Variants in EP400 observed in about 807,000 individuals in gnomAD.
EP400 encodes the protein E1A binding protein p400.
In EP400, 105 loss-of-function variants were observed where a neutral mutation model predicts 354.1. The ratio of observed to expected loss-of-function variants is 0.30; its 90% confidence interval spans 0.25 to 0.35. The LOEUF is 0.35. Ranked by LOEUF, EP400 falls within the 10% of genes least tolerant of loss-of-function variation. The pLI, the probability that EP400 is intolerant of heterozygous loss-of-function variation, is 1.00. For synonymous variants in EP400, 1,646 were observed against 1,716.9 expected (o/e 0.96, Z 1.02); for missense variants, 3,280 against 4,121.0 (o/e 0.80, Z 5.59).
intron 2 of EP400, among the ~76,000 whole-genome samples, chr12:131,977,889 G>T (rs1324651257): frequency 6.6e-6 from 1 of 152,208 alleles, no homozygotes; most frequent in Non-Finnish European, 1.5e-5. Context: ...TTGTGTGGCA[G>T]TTGGTTCAAA....
rs570169262 is a variant in EP400, at chr12:132,053,508, C to G, written c.7639C>G (p.Gln2547Glu). Residue 2547 changes from glutamine to glutamate, a missense_variant, in exon 43 of 53, where the codon CAG (glutamine) becomes GAG (glutamate). Physicochemically the swap from Gln to Glu is conservative, Grantham distance 29 (BLOSUM62 2). Transcript: ENST00000389561. ...AGPPAVQPQP[Q>E]PQPQTQPQPV... ...GCCACCAGCTGTCCAGCCCCAACCC[C>G]AGCCACAGCCCCAGACCCAGCCACA... 91 of 1,540,512 alleles carry G rather than the reference C, an allele frequency of 5.9e-5. No individual in the cohort carries two copies. Among genetic ancestry groups the G allele is most frequent in the Non-Finnish European group, 7.7e-5 (88 of 1,149,434 alleles).
In EP400 at chr12:132,017,108, C is replaced by A. The variant is rs1893967179; in HGVS notation, c.3924-427C>A. Reference sequence around the variant, plus strand: ...GGTGGTAAGCCGCACAGGGCATGGACCTGGGTCCTCGTCTACCCCCGCTCA... The same window carrying A: ...GGTGGTAAGCCGCACAGGGCATGGAACTGGGTCCTCGTCTACCCCCGCTCA... On this transcript the variant is annotated intron_variant, in intron 19 of 52. Transcript: ENST00000389561. This position sits in a 1 kb window ranked among gnomAD's most constrained non-coding sequence, Gnocchi z 5.0. 6.6e-6 allele frequency among the ~76,000 whole-genome samples: 1 copy of A among 152,216 alleles called. No individual in the cohort carries two copies. Among genetic ancestry groups the A allele is most frequent in the East Asian group, 1.9e-4 (1 of 5,184 alleles).
At chr12:132,005,228 G>A (rs747406101) in intron 13 of EP400, 44 bp downstream of exon 13, 1 of 1,399,568 alleles carries the variant, frequency 7.1e-7, no homozygotes, top group South Asian at 1.4e-5. Context: ...AAAAGCAGAA[G>A]CCGGAGTACT....
In EP400 at chr12:131,973,413, G is replaced by A. The variant is rs550585349; in HGVS notation, c.1336-6281G>A. Reference sequence around the variant, plus strand: ...AGTTTAAACTTTGGGAGGCTACGGTGGGCAGATCACTTGAGGCCAGGAGTT... The same window carrying A: ...AGTTTAAACTTTGGGAGGCTACGGTAGGCAGATCACTTGAGGCCAGGAGTT... On this transcript the variant is annotated intron_variant, in intron 2 of 52. Coordinates refer to ENST00000389561, the MANE Select transcript of EP400 (RefSeq NM_015409.5). Among the ~76,000 whole-genome samples the A allele has an allele frequency of 6.6e-4, 100 of 152,260 alleles. 1 individual carries two copies. Among genetic ancestry groups the A allele is most frequent in the African/African-American group, 2.2e-3 (92 of 41,544 alleles).
At chr12:131,966,989 G>A (rs955209611) in intron 2 of EP400, among the ~76,000 whole-genome samples, 2 of 151,650 alleles carry the variant, frequency 1.3e-5, no homozygotes, top group African/African-American at 2.4e-5. Flanking sequence ...TGGAAGGATT[G>A]CTTGAGTCCT....
chr12:131,996,089 C>T (rs1893204555), intron 12 of EP400, among the ~76,000 whole-genome samples: 1 of 152,200 alleles, frequency 6.6e-6, no homozygotes, highest in Admixed American at 6.5e-5. Context: ...CTATCAGTGT[C>T]TTTGCCAGGC....
intron 6 of EP400, among the ~76,000 whole-genome samples, chr12:131,987,068 G>A (rs61944563): frequency 2.0e-5 from 3 of 152,160 alleles, no homozygotes; most frequent in Middle Eastern, 3.4e-3. Flanking sequence ...GAGAGGTCAC[G>A]TGTAGCAGTT....
intron 45 of EP400, among the ~76,000 whole-genome samples, chr12:132,055,685 G>C (rs574324463): frequency 6.8e-6 from 1 of 146,978 alleles, no homozygotes; most frequent in Admixed American, 6.7e-5. Context: ...GTGTAGGGGG[G>C]CGTGTGTGAA....
In EP400 at chr12:131,986,709, G is replaced by T. The variant is rs779009855; in HGVS notation, c.2125G>T (p.Val709Leu). ...LSPVTSRTPG[V>L]VASAPTKPQS... is the part of the protein sequence containing the mutation. ...TCCAGTCACTTCCCGGACCCCAGGG[G>T]TGGTGGCATCTGCCCCCACCAAACC... is the stretch of plus-strand genomic sequence containing the variant. Residue 709 changes from valine to leucine, a missense_variant, in exon 6 of 53, where the codon GTG becomes TTG. By Grantham distance (32) the Val-to-Leu change is conservative. Transcript: ENST00000389561. 7.4e-5 allele frequency: 120 copies of T among 1,614,164 alleles called. 1 individual carries two copies. In the South Asian group the frequency reaches 1.3e-3, roughly 17 times the overall value.
intron 5 of EP400, among the ~76,000 whole-genome samples, chr12:131,983,751 C>T (rs1055269323): frequency 3.3e-5 from 5 of 152,222 alleles, no homozygotes; most frequent in Admixed American, 3.3e-4. Flanking sequence ...ACGATCTCTG[C>T]TCACTGCAGC....
chr12:132,045,272 G>A (rs768904603), intron 37 of EP400, 47 bp from the exon 38 acceptor site: 11 of 1,603,160 alleles, frequency 6.9e-6, no homozygotes, highest in Non-Finnish European at 9.4e-6. Context: ...CTGCCCGTGT[G>A]GAATCTCCTG....
intron 34 of EP400, among the ~76,000 whole-genome samples, chr12:132,043,953 C>G (rs1177113207): frequency 6.6e-6 from 1 of 152,124 alleles, no homozygotes; most frequent in African/African-American, 2.4e-5. Context: ...TCGTAGGGAC[C>G]GTGGAGCTTG....
At position 132,067,048 on chromosome 12, in the gene EP400, G is replaced by A. The variant is rs1895915350; in HGVS notation, c.8749+79G>A. 2.8e-6 allele frequency: 4 copies of A among 1,437,094 alleles called. No individual in the cohort carries two copies. The highest frequency in any genetic ancestry group is 2.7e-6 in the Non-Finnish European group (3 of 1,093,440). 89.0% of individuals were successfully genotyped at this position (1,437,094 alleles called of 1,614,324 possible). On this transcript the variant is annotated intron_variant, in intron 49 of 52. Transcript: ENST00000389561. The surrounding 1 kb of genome is among the most constrained non-coding windows in gnomAD (Gnocchi z 5.3). ...CTCTCTGGTGGCAGTGGTCGCCAGC[G>A]ACCCGTGTTCTTTCCTCACACCCAC...
chr12:131,961,568 C>T lies in EP400; in HGVS notation c.949C>T (p.Pro317Ser). Residue 317 changes from proline (P) to serine (S), a missense_variant, in exon 2 of 53, where the codon CCC (proline) becomes TCC (serine). Pro to Ser is a moderately conservative substitution (Grantham distance 74, BLOSUM62 -1). This residue lies in a region of EP400 where 85 missense variants were observed against 180.3 expected (regional missense o/e 0.47). Transcript: ENST00000389561. Reference protein sequence around the residue: ...GAAGFGMTSPPPPTSPSRTAV... With the variant: ...GAAGFGMTSPSPPTSPSRTAV... ...AGCGGGGTTTGGGATGACGTCCCCA[C>T]CCCCGCCCACCAGCCCTTCCAGGAC... 3 of 1,542,962 alleles carry T rather than the reference C, an allele frequency of 1.9e-6. No individual in the cohort carries two copies. Among genetic ancestry groups the T allele is most frequent in the South Asian group, 2.3e-5 (2 of 85,196 alleles).
Position 132,052,335 on chromosome 12 carries a change from AAGG to A in EP400, c.7395-808_7395-806del, listed in dbSNP as rs1895321353. On this transcript the variant is annotated intron_variant, in intron 41 of 52. Transcript: ENST00000389561. This position sits in a 1 kb window ranked among gnomAD's most constrained non-coding sequence, Gnocchi z 4.4. ...ACAGTAGTGGAGTGATCCTTGTCAG[AAGG>A]AGTTGGCTCAGGGCCCATCTCCGCA... Among the ~76,000 whole-genome samples, 1 of 152,142 alleles carries A rather than the reference AAGG, an allele frequency of 6.6e-6. No homozygotes were observed.
At chr12:132,035,265 C>T (rs1000805571) in intron 30 of EP400, among the ~76,000 whole-genome samples, 3 of 152,176 alleles carry the variant, frequency 2.0e-5, no homozygotes, top group South Asian at 2.1e-4. Context: ...GAAAAGGGGA[C>T]GTCCTCATGT....
In EP400 at chr12:132,044,590, G is replaced by A. The variant is rs1319745604; in HGVS notation, c.6586-81G>A. 4 of 1,522,046 alleles carry A rather than the reference G, an allele frequency of 2.6e-6. No individual in the cohort carries two copies. In the East Asian group the frequency reaches 9.0e-5, roughly 34 times the overall value. The allele number at this position is 1,522,046 out of a possible 1,614,324, so 94.3% of individuals were successfully genotyped here. ...TCAGAACTTATTTGAAAGACTTAAT[G>A]AGTATGAAGGTACATGATTTGTGGC... On this transcript the variant is annotated intron_variant, in intron 35 of 52. Coordinates refer to ENST00000389561, the MANE Select transcript of EP400 (RefSeq NM_015409.5).
intron 51 of EP400, among the ~76,000 whole-genome samples, chr12:132,073,951 C>T (rs1470631905): frequency 1.4e-4 from 10 of 70,520 alleles, no homozygotes; most frequent in African/African-American, 2.0e-4. Context: ...TTTTTTGAGA[C>T]GGAGGCTCAC....
In EP400 at chr12:132,062,448, G is replaced by A. The variant is rs751276031; in HGVS notation, c.8099-18G>A. The A allele has an allele frequency of 8.7e-5, 141 of 1,612,834 alleles. No homozygotes were observed. Among genetic ancestry groups the A allele is most frequent in the Non-Finnish European group, 1.2e-4 (139 of 1,179,892 alleles). ...GCGAGTATCCCTGTCCAGACCTAAT[G>A]AGCAAACCTCTTCATAGCCACAGGA... On this transcript the variant is annotated intron_variant, in intron 46 of 52. Coordinates refer to ENST00000389561, the MANE Select transcript of EP400 (RefSeq NM_015409.5).
Sources: gnomAD v4.1 joint callset for allele counts (sites outside exome capture counted in the v4.1 genomes callset) on GRCh38, gnomAD v4.1.1 for gene constraint, gnomAD v4.1.1 regional missense constraint, Gnocchi (gnomAD v3.1) non-coding constraint, MANE v1.5 for transcripts, NCBI Gene and HGNC (gene_info 2026-07-23, HGNC 2026-07-21) for gene names.